GDA: variants seen among roughly 807,000 people sequenced by gnomAD.
GDA encodes the protein guanine deaminase, also known as cytoplasmic PSD-95 interactor.
Under a neutral mutation model 59.6 loss-of-function variants are expected in GDA, and 18 were observed. The observed-to-expected ratio is 0.30, with a 90% CI of 0.21 to 0.45. GDA has a LOEUF of 0.45. Ranked by LOEUF, GDA falls within the 20% of genes least tolerant of loss-of-function variation. The pLI, the probability that GDA is intolerant of heterozygous loss-of-function variation, is 1.00. For missense variants in GDA, 427 were observed against 552.3 expected (o/e 0.77, Z 2.27); for synonymous variants, 201 against 201.1 (o/e 1.00, Z 0.00).
At chr9:72,230,498 AAAAAT>A (rs1005272150) in intron 9 of GDA, among the ~76,000 whole-genome samples, 9 of 120,572 alleles carry the variant, frequency 7.5e-5, no homozygotes, top group African/African-American at 2.8e-4. Flanking sequence ...CTCAAAAAAA[AAAAAT>A]ATATATATAT....
At position 72,142,885 on chromosome 9, in the gene GDA, C is replaced by T. The variant is rs138875025; in HGVS notation, c.-100+28052C>T. On this transcript the variant is annotated intron_variant, in intron 1 of 13. Transcript: ENST00000545168. The stretch of plus-strand genomic sequence containing the variant: ...CTGGGTTCAAGCGATTCTCCTGCCT[C>T]AGCCTTCCTGAGTAGCTGGGATTAC... Among the ~76,000 whole-genome samples, 1,207 of 151,188 alleles carry T rather than the reference C, an allele frequency of 8.0e-3. 20 individuals carry two copies. Among genetic ancestry groups the T allele is most frequent in the African/African-American group, 0.027 (1,127 of 41,190 alleles).
At chr9:72,167,425 T>A (rs1829448074) in intron 1 of GDA, among the ~76,000 whole-genome samples, 1 of 152,166 alleles carries the variant, frequency 6.6e-6, no homozygotes, top group African/African-American at 2.4e-5. Flanking sequence ...GGTAACAACT[T>A]CTTATATATT....
At chr9:72,175,782 A>G (rs996960510) in intron 1 of GDA, among the ~76,000 whole-genome samples, 3 of 152,182 alleles carry the variant, frequency 2.0e-5, no homozygotes, top group Admixed American at 1.3e-4. Context: ...ACCTTTGGAT[A>G]ATCATTTATC....
At chr9:72,160,610 A>C (rs1313349176) in intron 1 of GDA, among the ~76,000 whole-genome samples, 1 of 152,008 alleles carries the variant, frequency 6.6e-6, no homozygotes, top group South Asian at 2.1e-4. Flanking sequence ...GATATACCAC[A>C]TTTTGTTTAT....
chr9:72,174,921 A>G (rs1158353325), intron 1 of GDA, among the ~76,000 whole-genome samples: 4 of 152,134 alleles, frequency 2.6e-5, no homozygotes, highest in Non-Finnish European at 5.9e-5. Flanking sequence ...AAAGTGTTCC[A>G]TCCAGAGGGA....
intron 10 of GDA, among the ~76,000 whole-genome samples, chr9:72,240,723 A>C (rs1418672643): frequency 1.3e-5 from 2 of 152,170 alleles, no homozygotes; most frequent in Non-Finnish European, 2.9e-5. Context: ...GGATGGAGGC[A>C]GAGATTGGAG....
intron 6 of GDA, among the ~76,000 whole-genome samples, chr9:72,222,775 C>T (rs897823836): frequency 4.0e-5 from 6 of 148,508 alleles, no homozygotes; most frequent in Non-Finnish European, 9.0e-5. Flanking sequence ...GGTGAGATCT[C>T]GGCTCACCAC....
intron 1 of GDA, among the ~76,000 whole-genome samples, chr9:72,173,592 A>C (rs904980792): frequency 6.6e-6 from 1 of 151,756 alleles, no homozygotes; most frequent in Non-Finnish European, 1.5e-5. Flanking sequence ...CAGCCTCCCA[A>C]AGTGCTAGGA....
chr9:72,202,869 GT>G, intron 3 of GDA, 127 bp downstream of exon 3: 2 of 710,410 alleles, frequency 2.8e-6, no homozygotes, highest in Non-Finnish European at 4.7e-6. Flanking sequence ...GAATTTTTAA[GT>G]TTCTTTTTCA....
At chr9:72,138,030 G>A (rs960661633) in intron 1 of GDA, among the ~76,000 whole-genome samples, 5 of 152,132 alleles carry the variant, frequency 3.3e-5, no homozygotes, top group African/African-American at 1.2e-4. Context: ...GTGTCTCTTT[G>A]TTGTGCTTAT....
At chr9:72,159,948 T>A (rs980920277) in intron 1 of GDA, among the ~76,000 whole-genome samples, 1 of 152,166 alleles carries the variant, frequency 6.6e-6, no homozygotes, top group Non-Finnish European at 1.5e-5. Flanking sequence ...TTCAGTGGCA[T>A]TTATTGTATT....
At chr9:72,186,904 A>G (rs867946208) in intron 1 of GDA, among the ~76,000 whole-genome samples, 5 of 152,298 alleles carry the variant, frequency 3.3e-5, no homozygotes, top group Admixed American at 6.5e-5. Context: ...TGGAACCCAC[A>G]GGGCCATTGC....
intron 7 of GDA, among the ~76,000 whole-genome samples, chr9:72,224,644 C>T (rs1212943082): frequency 1.3e-5 from 2 of 152,090 alleles, no homozygotes; most frequent in African/African-American, 4.8e-5. Flanking sequence ...ATTCTGGAAA[C>T]TAACAAAGGG....
chr9:72,232,565 G>C (rs956454752), intron 10 of GDA, among the ~76,000 whole-genome samples: 23 of 152,138 alleles, frequency 1.5e-4, no homozygotes, highest in African/African-American at 5.6e-4. Flanking sequence ...AAATGGCCAA[G>C]AGTTTTGGTT....
intron 10 of GDA, among the ~76,000 whole-genome samples, chr9:72,234,964 A>T (rs985605599): frequency 1.3e-5 from 2 of 152,216 alleles, no homozygotes; most frequent in Non-Finnish European, 2.9e-5. Flanking sequence ...TCAGCTATAC[A>T]AAAACTTGGA....
At position 72,149,637 on chromosome 9, in the gene GDA, G is replaced by A. The variant is rs1223211706; in HGVS notation, c.78G>A (p.Met26Ile). 6.2e-7 allele frequency: 1 copy of A among 1,608,858 alleles called. No individual in the cohort carries two copies. The highest frequency in any genetic ancestry group is 1.7e-5 in the Admixed American group (1 of 59,598). ...TCCACTCCACCTGGACCTGCCCCAT[G>A]GAGGTGCTGCGGGATCACCTCCTCG... ...TFVHSTWTCP[M>I]EVLRDHLLGV... Residue 26 changes from methionine to isoleucine, a missense_variant, in exon 1 of 14, where the codon ATG (methionine) becomes ATA (isoleucine). By Grantham distance (10) the Met-to-Ile change is conservative. Coordinates refer to ENST00000358399, the MANE Select transcript of GDA (RefSeq NM_004293.5).
downstream of GDA, among the ~76,000 whole-genome samples, chr9:72,254,474 G>C (rs996567719): frequency 5.3e-5 from 8 of 151,698 alleles, no homozygotes; most frequent in Admixed American, 2.0e-4. Context: ...AAACAAAACA[G>C]ATCACACAGA....
intron 1 of GDA, among the ~76,000 whole-genome samples, chr9:72,115,067 A>T (rs1169026812): frequency 1.3e-5 from 2 of 152,146 alleles, no homozygotes; most frequent in Non-Finnish European, 2.9e-5. Flanking sequence ...TACCGGGAGG[A>T]GCAGGGGATA....
intron 1 of GDA, among the ~76,000 whole-genome samples, chr9:72,171,814 C>T (rs528200117): frequency 6.6e-6 from 1 of 152,106 alleles, no homozygotes; most frequent in African/African-American, 2.4e-5. Flanking sequence ...AGTGAAATTG[C>T]TGATGTTATT....
Sources: gnomAD v4.1 joint callset for allele counts (sites outside exome capture counted in the v4.1 genomes callset) on GRCh38, gnomAD v4.1.1 for gene constraint, MANE v1.5 for transcripts, NCBI Gene and HGNC (gene_info 2026-07-23, HGNC 2026-07-21) for gene names.